SLC7A11: variants seen among roughly 807,000 people sequenced by gnomAD.
SLC7A11 encodes the protein solute carrier family 7 member 11, also known as cystine/glutamate transporter.
A neutral mutation model predicts 54.5 loss-of-function variants in SLC7A11; 35 were observed. The observed-to-expected ratio is 0.64, with a 90% CI of 0.49 to 0.85. The LOEUF (loss-of-function observed/expected upper bound fraction) is 0.85. Ranked by LOEUF, SLC7A11 falls within the 40% of genes least tolerant of loss-of-function variation. The pLI, the probability that SLC7A11 is intolerant of heterozygous loss-of-function variation, is 0.00. For synonymous variants in SLC7A11, 230 were observed against 225.2 expected (o/e 1.02, Z -0.19); for missense variants, 583 against 618.1 (o/e 0.94, Z 0.60).
chr4:138,200,074 T>C (rs1420732064), intron 6 of SLC7A11, among the ~76,000 whole-genome samples: 4 of 152,146 alleles, frequency 2.6e-5, no homozygotes, highest in Non-Finnish European at 5.9e-5. Context: ...TTTTTGTCAT[T>C]TTCTGGCTGA....
At position 138,241,838 on chromosome 4, in the gene SLC7A11, T is replaced by C. The variant is rs1432672988; in HGVS notation, c.232A>G (p.Met78Val). 1.2e-6 allele frequency: 2 copies of C among 1,614,116 alleles called. No homozygotes were observed. Among genetic ancestry groups the C allele is most frequent in the African/African-American group, 1.3e-5 (1 of 75,014 alleles). ...GVLQNTGSVG[M>V]SLTIWTVCGV... ...CACACCGTCCAGATGGTCAGAGACA[T>C]GCCCACGCTGCCCGTGTTCTGGAGC... The change falls in exon 1 of 12, where the codon ATG (methionine) becomes GTG (valine). Residue 78 changes from methionine (M) to valine (V), a missense_variant. Met to Val is a conservative substitution (Grantham distance 21, BLOSUM62 1). Coordinates refer to ENST00000280612, the MANE Select transcript of SLC7A11 (RefSeq NM_014331.4).
chr4:138,184,122 C>A (rs1386523762), intron 7 of SLC7A11, among the ~76,000 whole-genome samples: 1 of 152,114 alleles, frequency 6.6e-6, no homozygotes, highest in Non-Finnish European at 1.5e-5. Flanking sequence ...CCACATTATG[C>A]CCAAAGAATA....
chr4:138,229,508 A>G (rs753794680), intron 3 of SLC7A11, among the ~76,000 whole-genome samples: 1 of 152,234 alleles, frequency 6.6e-6, no homozygotes, highest in East Asian at 1.9e-4. Context: ...AATGAATGTA[A>G]TAACTTATGG....
At chr4:138,198,638 C>T (rs1737198436) in intron 6 of SLC7A11, among the ~76,000 whole-genome samples, 1 of 152,072 alleles carries the variant, frequency 6.6e-6, no homozygotes, top group Non-Finnish European at 1.5e-5. Context: ...ATAGACAGAC[C>T]ATTTTAAAGT....
At chr4:138,237,878 A>G (rs962553028) in intron 1 of SLC7A11, among the ~76,000 whole-genome samples, 5 of 145,544 alleles carry the variant, frequency 3.4e-5, no homozygotes, top group African/African-American at 1.3e-4. Context: ...CAGCCTCTCA[A>G]GTAGTTGGGA....
chr4:138,224,850 GGA>G (rs1309182533), intron 3 of SLC7A11, among the ~76,000 whole-genome samples: 4 of 146,430 alleles, frequency 2.7e-5, no homozygotes, highest in Admixed American at 6.8e-5. Flanking sequence ...AAGGAAGGAA[GGA>G]AGGAAGGAGA....
intron 6 of SLC7A11, among the ~76,000 whole-genome samples, chr4:138,189,293 C>T (rs536334522): frequency 4.6e-5 from 7 of 152,104 alleles, no homozygotes; most frequent in East Asian, 1.9e-4. Flanking sequence ...CATTTTAAAT[C>T]GTTTGTGGAA....
intron 6 of SLC7A11, among the ~76,000 whole-genome samples, chr4:138,197,993 T>C (rs4616810): frequency 0.033 from 4,939 of 150,524 alleles, 232 homozygotes; most frequent in African/African-American, 0.1. Flanking sequence ...TAATATAATG[T>C]AAGTATCATA....
chr4:138,239,591 A>C (rs1329560088), intron 1 of SLC7A11, among the ~76,000 whole-genome samples: 1 of 152,226 alleles, frequency 6.6e-6, no homozygotes, highest in Non-Finnish European at 1.5e-5. Context: ...AGATTAATAC[A>C]AGAGCACACT....
chr4:138,210,155 A>G lies in SLC7A11; in HGVS notation c.791+4430T>C, dbSNP rs1309016699. On this transcript the variant is annotated intron_variant, in intron 6 of 11. Coordinates refer to ENST00000280612, the MANE Select transcript of SLC7A11 (RefSeq NM_014331.4). The stretch of plus-strand genomic sequence containing the variant: ...ATAAGCAACAGGGAAAGGATTCCCT[A>G]TTCAATAAATGGTATACCTGGATAA... Among the ~76,000 whole-genome samples the G allele has an allele frequency of 3.3e-5, 5 of 152,068 alleles. No individual in the cohort carries two copies. The South Asian group carries it at 1.0e-3, about 31-fold the overall frequency.
intron 3 of SLC7A11, 89 bp downstream of exon 3, chr4:138,232,178 T>C: frequency 3.4e-6 from 3 of 888,180 alleles, no homozygotes; most frequent in South Asian, 2.7e-5. Context: ...TGAGAGGCAA[T>C]CCCGCAATGC....
intron 3 of SLC7A11, among the ~76,000 whole-genome samples, chr4:138,225,171 T>TTTATATATATATAA (rs1578666725): frequency 7.6e-6 from 1 of 131,492 alleles, no homozygotes; most frequent in East Asian, 2.3e-4. Flanking sequence ...TATATATATA[T>TTTATATATATATAA]AAATAAAATC....
At chr4:138,240,841 C>T (rs1578679856) in intron 1 of SLC7A11, among the ~76,000 whole-genome samples, 1 of 152,200 alleles carries the variant, frequency 6.6e-6, no homozygotes, top group East Asian at 1.9e-4. Flanking sequence ...GACAGTTCAC[C>T]AGTTTTTATC....
chr4:138,240,640 G>T (rs1397681283), intron 1 of SLC7A11, among the ~76,000 whole-genome samples: 3 of 151,690 alleles, frequency 2.0e-5, no homozygotes, highest in Non-Finnish European at 4.4e-5. Context: ...CACAAGGCCT[G>T]AGTAGAAAGA....
chr4:138,206,698 T>C (rs910639767), intron 6 of SLC7A11, among the ~76,000 whole-genome samples: 3 of 151,844 alleles, frequency 2.0e-5, no homozygotes, highest in Non-Finnish European at 4.4e-5. Flanking sequence ...GAACAAACTA[T>C]CTTTGGGCAA....
At chr4:138,225,172 A>AT (rs59142037) in intron 3 of SLC7A11, among the ~76,000 whole-genome samples, 189 of 141,624 alleles carry the variant, frequency 1.3e-3, no homozygotes, top group Middle Eastern at 3.8e-3. Context: ...ATATATATAT[A>AT]AATAAAATCA....
At chr4:138,180,845 A>T in intron 9 of SLC7A11, 55 bp from the exon 10 acceptor site, 2 of 1,512,338 alleles carry the variant, frequency 1.3e-6, no homozygotes, top group Non-Finnish European at 1.8e-6. Flanking sequence ...ACAGATGATT[A>T]ACAACAAAAA....
chr4:138,179,544 A>C, intron 10 of SLC7A11, 150 bp from the exon 11 acceptor site: 1 of 602,016 alleles, frequency 1.7e-6, no homozygotes, highest in Non-Finnish European at 3.0e-6. Flanking sequence ...TTAGTAGCAA[A>C]ATCTCTTTCA....
chr4:138,191,493 A>T (rs1233342233), intron 6 of SLC7A11, among the ~76,000 whole-genome samples: 2 of 152,158 alleles, frequency 1.3e-5, no homozygotes, highest in Admixed American at 1.3e-4. Context: ...AAAAATGTGC[A>T]GAGATGCATA....
Sources: allele counts gnomAD v4.1 joint callset (sites outside exome capture counted in the v4.1 genomes callset), GRCh38; gene constraint gnomAD v4.1.1; transcripts MANE v1.5; gene names NCBI Gene and HGNC (gene_info 2026-07-23, HGNC 2026-07-21).